SLC8A3: variants seen among roughly 807,000 people sequenced by gnomAD.
SLC8A3 encodes solute carrier family 8 member A3.
SLC8A3 carries 37 observed loss-of-function variants against 65.4 expected under a neutral mutation model. That is an observed-to-expected ratio of 0.57 (90% CI 0.44 to 0.74). The LOEUF is 0.74. Ranked by LOEUF, SLC8A3 falls within the 30% of genes least tolerant of loss-of-function variation. SLC8A3 has a pLI of 0.00. For missense variants in SLC8A3, 1,112 were observed against 1,172.1 expected (o/e 0.95, Z 0.75); for synonymous variants, 461 against 444.5 (o/e 1.04, Z -0.47).
In SLC8A3 at chr14:70,048,905, A is replaced by T. The variant is rs1269413256; in HGVS notation, c.2251T>A (p.Cys751Ser). ...PPTEYCHGWA[C>S]FAVSILIIGM... ...ATGATGAGGATGGAGACGGCGAAGCAGGCCCAGCCGTGGCAGTACTCTGTG... is the reference window on the plus strand; with the variant it reads ...ATGATGAGGATGGAGACGGCGAAGCTGGCCCAGCCGTGGCAGTACTCTGTG... Residue 751 changes from cysteine (C) to serine (S), a missense_variant, in exon 6 of 7, where the codon TGC (cysteine) becomes AGC (serine). By Grantham distance (112) the Cys-to-Ser change is moderately radical. Coordinates refer to ENST00000356921, the MANE Select transcript of SLC8A3 (RefSeq NM_182932.3). 2 of 1,614,098 alleles carry T rather than the reference A, an allele frequency of 1.2e-6. No individual in the cohort carries two copies. Among genetic ancestry groups the T allele is most frequent in the African/African-American group, 2.7e-5 (2 of 74,950 alleles).
intron 3 of SLC8A3, chr14:70,060,512 A>G: frequency 2.2e-6 from 1 of 444,456 alleles, no homozygotes; most frequent in Non-Finnish European, 4.4e-6. Flanking sequence ...GCAATTGAAT[A>G]ATTGAAAATT....
intron 1 of SLC8A3, among the ~76,000 whole-genome samples, chr14:70,175,573 T>C (rs1002051609): frequency 7.2e-5 from 11 of 152,180 alleles, no homozygotes; most frequent in African/African-American, 2.4e-4. Context: ...CTTCCTCTAA[T>C]TGTAAAGTGA....
chr14:70,142,982 A>C (rs1039375146), intron 2 of SLC8A3, among the ~76,000 whole-genome samples: 4 of 152,190 alleles, frequency 2.6e-5, no homozygotes, highest in Non-Finnish European at 4.4e-5. Flanking sequence ...TTGAGCACAA[A>C]TATAATCAAT....
At chr14:70,059,641 C>G (rs1888550762) in intron 3 of SLC8A3, among the ~76,000 whole-genome samples, 1 of 152,184 alleles carries the variant, frequency 6.6e-6, no homozygotes, top group African/African-American at 2.4e-5. Context: ...CAGGTATTCT[C>G]AGATGCAGGT....
intron 3 of SLC8A3, among the ~76,000 whole-genome samples, chr14:70,057,365 C>T (rs1599164): frequency 0.014 from 2,152 of 152,142 alleles, 34 homozygotes; most frequent in African/African-American, 0.037. Context: ...CTGCTCCTTC[C>T]GGGAGTTTGC....
chr14:70,167,294 C>T lies in SLC8A3; in HGVS notation c.1129G>A (p.Ala377Thr), dbSNP rs759092148. The T allele has an allele frequency of 6.2e-7, 1 of 1,614,178 alleles. No individual in the cohort carries two copies. The highest frequency in any genetic ancestry group is 1.7e-5 in the Admixed American group (1 of 60,010). Residue 377 changes from alanine to threonine, a missense_variant, in exon 2 of 7, where the codon GCC (alanine) becomes ACC (threonine). Physicochemically the swap from Ala to Thr is moderately conservative, Grantham distance 58 (BLOSUM62 0). Transcript: ENST00000356921. ...NILKKHAAEQ[A>T]KKASSMSEVH... The stretch of plus-strand genomic sequence containing the variant: ...TCGCTCATGCTGGAGGCCTTCTTGG[C>T]TTGTTCTGCTGCATGTTTCTTCAGG...
intron 1 of SLC8A3, among the ~76,000 whole-genome samples, chr14:70,185,496 G>A (rs1883127990): frequency 6.6e-6 from 1 of 152,340 alleles, no homozygotes; most frequent in Non-Finnish European, 1.5e-5. Context: ...CGGCTTTAGG[G>A]TCCCATCCCC....
Position 70,167,234 on chromosome 14 carries a change from T to C in SLC8A3, c.1189A>G (p.Lys397Glu). The C allele has an allele frequency of 2.5e-6, 4 of 1,614,120 alleles. No homozygotes were observed. Among genetic ancestry groups the C allele is most frequent in the Middle Eastern group, 1.6e-4 (1 of 6,062 alleles). The change falls in exon 2 of 7, where the codon AAG becomes GAG. Residue 397 changes from lysine to glutamate, a missense_variant. Lys to Glu is a moderately conservative substitution (Grantham distance 56, BLOSUM62 1). Coordinates refer to ENST00000356921, the MANE Select transcript of SLC8A3 (RefSeq NM_182932.3). ...HTDEPEDFIS[K>E]VFFDPCSYQC... The stretch of plus-strand genomic sequence containing the variant: ...TAAGAACATGGGTCAAAGAAGACCT[T>C]GGAAATAAAGTCCTCAGGCTCATCG...
chr14:70,132,115 G>A (rs1807524659), intron 2 of SLC8A3, among the ~76,000 whole-genome samples: 2 of 152,192 alleles, frequency 1.3e-5, no homozygotes, highest in Admixed American at 1.3e-4. Context: ...CTCTTTCTGT[G>A]GCATCTGTTT....
intron 2 of SLC8A3, among the ~76,000 whole-genome samples, chr14:70,116,709 C>G (rs766824780): frequency 6.6e-5 from 10 of 152,194 alleles, no homozygotes; most frequent in Non-Finnish European, 1.3e-4. Flanking sequence ...CCCTTTCTGA[C>G]AGGGCTGCTG....
intron 4 of SLC8A3, 111 bp from the exon 5 acceptor site, chr14:70,051,218 G>C (rs1475067667): frequency 2.8e-6 from 2 of 716,860 alleles, no homozygotes; most frequent in Non-Finnish European, 5.0e-6. Context: ...TGTTCTGACA[G>C]TTACGCATGG....
chr14:70,144,026 CTCTA>C (rs1322298891), intron 2 of SLC8A3, among the ~76,000 whole-genome samples: 5 of 152,154 alleles, frequency 3.3e-5, no homozygotes. Context: ...ATGGCTTCAT[CTCTA>C]TCTGTTTCTG....
chr14:70,164,623 T>TATTAATAGAATGAGGAA (rs1344453648), intron 2 of SLC8A3, among the ~76,000 whole-genome samples: 13 of 152,318 alleles, frequency 8.5e-5, no homozygotes, highest in African/African-American at 3.1e-4. Flanking sequence ...CATAATTGAT[T>TATTAATAGAATGAGGAA]ATTAATAGAA....
intron 2 of SLC8A3, among the ~76,000 whole-genome samples, chr14:70,146,876 G>A (rs998556154): frequency 6.6e-6 from 1 of 152,184 alleles, no homozygotes; most frequent in Non-Finnish European, 1.5e-5. Flanking sequence ...GCTTTGTGAA[G>A]GCAGGAGTTA....
At chr14:70,124,945 G>A (rs930526911) in intron 2 of SLC8A3, among the ~76,000 whole-genome samples, 5 of 152,180 alleles carry the variant, frequency 3.3e-5, no homozygotes, top group Non-Finnish European at 5.9e-5. Flanking sequence ...TTTCTTATTC[G>A]TTATGTCTTT....
intron 2 of SLC8A3, among the ~76,000 whole-genome samples, chr14:70,116,510 A>AT (rs1893678145): frequency 6.6e-6 from 1 of 152,168 alleles, no homozygotes; most frequent in African/African-American, 2.4e-5. Context: ...CTCCCCTGTC[A>AT]AAGCAGGCCC....
At chr14:70,184,451 T>A (rs1181407308) in intron 1 of SLC8A3, among the ~76,000 whole-genome samples, 1 of 152,204 alleles carries the variant, frequency 6.6e-6, no homozygotes, top group Non-Finnish European at 1.5e-5. Context: ...TTGAAAGAGC[T>A]CTTATCCATG....
At chr14:70,178,142 A>G (rs1041600682) in intron 1 of SLC8A3, among the ~76,000 whole-genome samples, 1 of 152,222 alleles carries the variant, frequency 6.6e-6, no homozygotes, top group Non-Finnish European at 1.5e-5. Context: ...CGATCCTGAG[A>G]TCTCCAGGCC....
intron 1 of SLC8A3, among the ~76,000 whole-genome samples, chr14:70,187,492 C>T (rs937342254): frequency 2.0e-5 from 3 of 151,906 alleles, no homozygotes; most frequent in African/African-American, 7.3e-5. Context: ...TGCTTTTTTC[C>T]CCGGAGCAAA....
Sources: allele counts gnomAD v4.1 joint callset (sites outside exome capture counted in the v4.1 genomes callset), GRCh38; gene constraint gnomAD v4.1.1; transcripts MANE v1.5; gene names NCBI Gene and HGNC (gene_info 2026-07-23, HGNC 2026-07-21).